Variants in TRPV1 observed in about 807,000 individuals in gnomAD.
The protein encoded by TRPV1 is transient receptor potential cation channel subfamily V member 1.
TRPV1 carries 82 observed loss-of-function variants against 82.3 expected under a neutral mutation model. The ratio of observed to expected loss-of-function variants is 1.00; its 90% confidence interval spans 0.83 to 1.20. The LOEUF (loss-of-function observed/expected upper bound fraction) is 1.20, where lower values mean the gene tolerates loss of function less well. TRPV1 is among the 50% of genes most tolerant of loss of function. The probability of loss-of-function intolerance (pLI) is 0.00; values close to 1 mark genes in which losing one functional copy is unlikely to be tolerated. For synonymous variants in TRPV1, 515 were observed against 467.7 expected (o/e 1.10, Z -1.30); for missense variants, 1,067 against 1,096.8 (o/e 0.97, Z 0.38).
chr17:3,579,755 C>T (rs1161710668), intron 11 of TRPV1, among the ~76,000 whole-genome samples: 4 of 152,198 alleles, frequency 2.6e-5, no homozygotes, highest in Non-Finnish European at 5.9e-5. Flanking sequence ...GGATTACAGG[C>T]GTGAGCCACT....
At chr17:3,581,615 A>G (rs1380268532) in intron 10 of TRPV1, among the ~76,000 whole-genome samples, 2 of 152,226 alleles carry the variant, frequency 1.3e-5, no homozygotes, top group Non-Finnish European at 2.9e-5. Context: ...GGCTGGGCAC[A>G]GTGGCTCACG....
intron 16 of TRPV1, among the ~76,000 whole-genome samples, chr17:3,568,034 T>C (rs762500789): frequency 3.2e-4 from 49 of 152,204 alleles, no homozygotes; most frequent in Non-Finnish European, 2.6e-4. Flanking sequence ...ATTGAAAAAC[T>C]ACTCAAGGCC....
At position 3,585,891 on chromosome 17, in the gene TRPV1, G is replaced by A. The variant is rs199795671; in HGVS notation, c.1260C>T (p.Asn420=). The change falls in exon 9 of 17, where the codon AAC becomes AAT. Residue 420 remains asparagine, a synonymous_variant. Coordinates refer to ENST00000572705, the MANE Select transcript of TRPV1 (RefSeq NM_080704.4). ...TGTCCCACTTGTCCTGCAGGAGTCG[G>A]TTCAGCGGCTCCACCAAGAGCATGT... ...RHDMLLVEPL[N]RLLQDKWDRF... is the part of the protein sequence containing the mutation. The A allele has an allele frequency of 1.2e-6, 2 of 1,613,876 alleles. No individual in the cohort carries two copies. Among genetic ancestry groups the A allele is most frequent in the Non-Finnish European group, 1.7e-6 (2 of 1,179,858 alleles).
intron 10 of TRPV1, among the ~76,000 whole-genome samples, chr17:3,580,799 C>T (rs991747808): frequency 2.6e-5 from 4 of 152,032 alleles, no homozygotes; most frequent in African/African-American, 7.2e-5. Context: ...GGTGGATCAC[C>T]TGAGGTTAGG....
chr17:3,584,402 C>CAAGAAA (rs2075057678), intron 9 of TRPV1, among the ~76,000 whole-genome samples: 1 of 16,746 alleles, frequency 6.0e-5, no homozygotes, highest in African/African-American at 2.3e-4. Context: ...GACTCTGTCT[C>CAAGAAA]AAAAAAAAAA....
intron 16 of TRPV1, among the ~76,000 whole-genome samples, chr17:3,570,928 G>C (rs1371834477): frequency 1.3e-5 from 2 of 152,144 alleles, no homozygotes; most frequent in Non-Finnish European, 2.9e-5. Context: ...TGTTGGCCAA[G>C]CTGGTCTCAA....
At chr17:3,567,912 G>A (rs1212293025) in intron 16 of TRPV1, among the ~76,000 whole-genome samples, 1 of 152,188 alleles carries the variant, frequency 6.6e-6, no homozygotes, top group African/African-American at 2.4e-5. Flanking sequence ...CAGTGAATGT[G>A]CAGTGTTGTA....
chr17:3,604,039 T>C (rs2075281600), intron 2 of TRPV1, among the ~76,000 whole-genome samples: 2 of 152,250 alleles, frequency 1.3e-5, no homozygotes, highest in African/African-American at 4.8e-5. Context: ...CCAGGGGCTC[T>C]GGGGCCAACA....
chr17:3,566,728 A>T lies in TRPV1; in HGVS notation c.*87T>A. 1 of 1,503,672 alleles carries T rather than the reference A, an allele frequency of 6.7e-7. No homozygotes were observed. The highest frequency in any genetic ancestry group is 9.0e-7 in the Non-Finnish European group (1 of 1,110,742). The allele number at this position is 1,503,672 out of a possible 1,614,324, so 93.1% of individuals were successfully genotyped here. On this transcript the variant is annotated 3_prime_UTR_variant, in exon 17 of 17. Transcript: ENST00000572705. ...AGGCACAGACCAGGCCAGGCTGCTG[A>T]CAGAGCACTGGTGTTCCCTCAGCAG...
At position 3,577,170 on chromosome 17, in the gene TRPV1, C is replaced by T. The variant is rs375321968; in HGVS notation, c.1736G>A (p.Arg579His). The T allele has an allele frequency of 3.8e-5, 60 of 1,585,634 alleles. 1 individual carries two copies. Among genetic ancestry groups the T allele is most frequent in the Middle Eastern group, 1.7e-4 (1 of 6,034 alleles). ...GAAGACGATGTAGACAAACATGAAA[C>T]GGCACAGGTCTCTCAGGATCATCTG... Reference protein sequence around the residue: ...IEKMILRDLCRFMFVYIVFLF... With the variant: ...IEKMILRDLCHFMFVYIVFLF... The change falls in exon 13 of 17, where the codon CGT (arginine) becomes CAT (histidine). Residue 579 changes from arginine to histidine, a missense_variant. Transcript: ENST00000572705.
intron 12 of TRPV1, 107 bp downstream of exon 12, chr17:3,577,491 C>T (rs2074949167): frequency 7.3e-7 from 1 of 1,368,318 alleles, no homozygotes; most frequent in African/African-American, 1.4e-5. Context: ...GTAAACCAGC[C>T]CCTTCCCAGG....
intron 2 of TRPV1, among the ~76,000 whole-genome samples, chr17:3,606,037 C>A (rs2075294240): frequency 6.6e-6 from 1 of 152,318 alleles, no homozygotes; most frequent in East Asian, 1.9e-4. Context: ...CAGCTCACTG[C>A]AACCTCCGCC....
chr17:3,580,652 A>G, intron 10 of TRPV1, 125 bp from the exon 11 acceptor site: 1 of 1,012,428 alleles, frequency 9.9e-7, no homozygotes, highest in Non-Finnish European at 1.5e-6. Flanking sequence ...CAGATTGTGA[A>G]AAGAGCAGAA....
At chr17:3,583,543 G>A in intron 9 of TRPV1, 113 bp from the exon 10 acceptor site, 1 of 878,810 alleles carries the variant, frequency 1.1e-6, no homozygotes. Flanking sequence ...CTCCATCAGG[G>A]GAAGGACACA....
At chr17:3,568,642 C>T (rs1281921848) in intron 16 of TRPV1, among the ~76,000 whole-genome samples, 2 of 151,926 alleles carry the variant, frequency 1.3e-5, no homozygotes, top group African/African-American at 2.4e-5. Flanking sequence ...ACAAAATAGG[C>T]AACATACAGG....
rs749181807 is a variant in TRPV1 at position 3,589,990 on chromosome 17, C to T, written c.861G>A (p.Thr287=). ...CCACCTCCACCAGGGCGTGCAGCAC[C>T]GTGTTGCCCACCGAGTCCCTGGCGC... ...DISARDSVGN[T]VLHALVEVAD... The change falls in exon 7 of 17, where the codon ACG becomes ACA. Residue 287 remains threonine (T), a synonymous_variant. Transcript: ENST00000572705. The T allele has an allele frequency of 9.0e-6, 14 of 1,560,518 alleles. No homozygotes were observed. The Admixed American group carries it at 1.2e-4, about 13-fold the overall frequency.
chr17:3,571,471 C>A, intron 16 of TRPV1, 53 bp downstream of exon 16: 1 of 1,429,052 alleles, frequency 7.0e-7, no homozygotes. Flanking sequence ...TCCCCCTGCC[C>A]AACATCAGGC....
In TRPV1 at chr17:3,571,594, G is replaced by A. The variant is rs772425438; in HGVS notation, c.2277C>T (p.Ile759=). The change falls in exon 16 of 17, where the codon ATC becomes ATT. Residue 759 remains isoleucine (I), a synonymous_variant. Transcript: ENST00000572705. ...NWTTWNTNVG[I]INEDPGNCEG... ...CACAGTTGCCCGGGTCTTCGTTGAT[G>A]ATGCCCACGTTGGTGTTCCAGGTGG... 1 of 1,612,880 alleles carries A rather than the reference G, an allele frequency of 6.2e-7. No homozygotes were observed. The highest frequency in any genetic ancestry group is 1.1e-5 in the South Asian group (1 of 90,646).
intron 13 of TRPV1, among the ~76,000 whole-genome samples, chr17:3,576,481 T>C (rs1427689930): frequency 6.6e-6 from 1 of 150,946 alleles, no homozygotes; most frequent in Non-Finnish European, 1.5e-5. Context: ...TGAAACCCCA[T>C]CTCTACTAAA....
Sources: gnomAD v4.1 joint callset for allele counts (sites outside exome capture counted in the v4.1 genomes callset) on GRCh38, gnomAD v4.1.1 for gene constraint, MANE v1.5 for transcripts, NCBI Gene and HGNC (gene_info 2026-07-23, HGNC 2026-07-21) for gene names.